Variants in MAPKAP1 observed in about 807,000 individuals in gnomAD.
The protein encoded by MAPKAP1 is MAPK associated protein 1.
MAPKAP1 carries 20 observed loss-of-function variants against 65.7 expected under a neutral mutation model. The observed-to-expected ratio is 0.30, with a 90% CI of 0.21 to 0.44. The LOEUF (loss-of-function observed/expected upper bound fraction) is 0.44. MAPKAP1 is among the 20% of genes least tolerant of loss of function. MAPKAP1 has a pLI of 1.00. For missense variants in MAPKAP1, 423 were observed against 648.0 expected (o/e 0.65, Z 3.77); for synonymous variants, 222 against 244.3 (o/e 0.91, Z 0.85).
At chr9:125,500,044 T>C (rs1254723672) in intron 8 of MAPKAP1, among the ~76,000 whole-genome samples, 1 of 152,168 alleles carries the variant, frequency 6.6e-6, no homozygotes, top group Admixed American at 6.5e-5. Context: ...TGCATAGTAG[T>C]TAAAAAGAAA....
At chr9:125,542,544 AGG>A (rs1830284391) in intron 7 of MAPKAP1, among the ~76,000 whole-genome samples, 2 of 152,208 alleles carry the variant, frequency 1.3e-5, no homozygotes, top group African/African-American at 4.8e-5. Context: ...TTGGGTAATG[AGG>A]AGTTAAGTTA....
chr9:125,700,712 A>G (rs1184090366), intron 1 of MAPKAP1, among the ~76,000 whole-genome samples: 1 of 152,226 alleles, frequency 6.6e-6, no homozygotes, highest in African/African-American at 2.4e-5. Flanking sequence ...CTCAGGATTT[A>G]TTCCCTTTAT....
At chr9:125,448,991 C>T (rs1275104469) in intron 10 of MAPKAP1, among the ~76,000 whole-genome samples, 2 of 121,412 alleles carry the variant, frequency 1.6e-5, no homozygotes, top group African/African-American at 3.4e-5. Flanking sequence ...GGTGACAGAG[C>T]GAGACTCTGT....
At chr9:125,572,717 C>T (rs776645471) in intron 5 of MAPKAP1, among the ~76,000 whole-genome samples, 6 of 152,168 alleles carry the variant, frequency 3.9e-5, no homozygotes, top group East Asian at 1.9e-4. Context: ...AATCCCATAT[C>T]GGCTTAGTTC....
intron 3 of MAPKAP1, among the ~76,000 whole-genome samples, chr9:125,660,836 T>C (rs575925942): frequency 2.8e-4 from 43 of 152,306 alleles, no homozygotes; most frequent in African/African-American, 1.0e-3. Context: ...CCCCAACCCT[T>C]GTTTCTTCCT....
At chr9:125,659,524 G>T (rs1474075610) in intron 3 of MAPKAP1, among the ~76,000 whole-genome samples, 1 of 151,578 alleles carries the variant, frequency 6.6e-6, no homozygotes, top group Admixed American at 6.6e-5. Context: ...TCTTCTATCT[G>T]CCTGTCCTCC....
At chr9:125,562,842 C>T (rs748256655) in intron 5 of MAPKAP1, among the ~76,000 whole-genome samples, 3 of 152,166 alleles carry the variant, frequency 2.0e-5, no homozygotes, top group Non-Finnish European at 4.4e-5. Flanking sequence ...GATTAAACAG[C>T]ATGTAAGTGA....
At chr9:125,631,541 T>C (rs1393237565) in intron 4 of MAPKAP1, among the ~76,000 whole-genome samples, 1 of 152,228 alleles carries the variant, frequency 6.6e-6, no homozygotes, top group Non-Finnish European at 1.5e-5. Flanking sequence ...TGTAAATGTC[T>C]GTTGTACAGA....
At chr9:125,560,180 A>G (rs1336402770) in intron 5 of MAPKAP1, among the ~76,000 whole-genome samples, 1 of 152,222 alleles carries the variant, frequency 6.6e-6, no homozygotes, top group Non-Finnish European at 1.5e-5. Context: ...GCTACAATAC[A>G]AATGTAAAAA....
chr9:125,701,845 T>C (rs1053912473), intron 1 of MAPKAP1, among the ~76,000 whole-genome samples: 2 of 152,222 alleles, frequency 1.3e-5, no homozygotes, highest in Non-Finnish European at 2.9e-5. Context: ...AGCTTGATTA[T>C]ACAATAAAAG....
At chr9:125,619,532 T>C (rs1832837958) in intron 4 of MAPKAP1, among the ~76,000 whole-genome samples, 1 of 152,014 alleles carries the variant, frequency 6.6e-6, no homozygotes, top group South Asian at 2.1e-4. Context: ...ACAATATTCT[T>C]ATATGTGTGA....
Position 125,583,388 on chromosome 9 carries a change from T to C in MAPKAP1, c.671+2167A>G, listed in dbSNP as rs1051098459. On this transcript the variant is annotated intron_variant, in intron 5 of 11. Transcript: ENST00000265960. ...TGATTTTGCACGTAATTGTATTATA[T>C]TGTTATTACCTATTTACCTTAAACA... Among the ~76,000 whole-genome samples the C allele has an allele frequency of 1.2e-4, 18 of 152,244 alleles. 1 individual carries two copies. Among genetic ancestry groups the C allele is most frequent in the Admixed American group, 9.2e-4 (14 of 15,290 alleles).
intron 6 of MAPKAP1, among the ~76,000 whole-genome samples, chr9:125,546,805 G>A (rs1830438499): frequency 6.6e-6 from 1 of 152,028 alleles, no homozygotes; most frequent in African/African-American, 2.4e-5. Flanking sequence ...GCTGTGGCGG[G>A]GTGATCAGCC....
chr9:125,574,287 A>G (rs990690051), intron 5 of MAPKAP1, among the ~76,000 whole-genome samples: 3 of 152,248 alleles, frequency 2.0e-5, no homozygotes, highest in African/African-American at 7.2e-5. Context: ...CAGAATGCCA[A>G]GAGGAGAAGA....
At chr9:125,679,821 T>C (rs1398543263) in intron 1 of MAPKAP1, among the ~76,000 whole-genome samples, 1 of 152,174 alleles carries the variant, frequency 6.6e-6, no homozygotes, top group Non-Finnish European at 1.5e-5. Context: ...CTCAAAACAC[T>C]ACCCGCTCAC....
intron 1 of MAPKAP1, among the ~76,000 whole-genome samples, chr9:125,699,266 G>A (rs73593586): frequency 0.044 from 6,749 of 151,748 alleles, 446 homozygotes; most frequent in African/African-American, 0.15. Flanking sequence ...TGGAGTGCAG[G>A]AGCACAATCA....
chr9:125,681,922 G>C (rs944962596), intron 1 of MAPKAP1, among the ~76,000 whole-genome samples: 5 of 152,016 alleles, frequency 3.3e-5, no homozygotes, highest in African/African-American at 1.2e-4. Flanking sequence ...ACCACACCCA[G>C]CTAATTTTTA....
intron 7 of MAPKAP1, among the ~76,000 whole-genome samples, chr9:125,528,847 C>CAAA (rs61378848): frequency 9.1e-5 from 4 of 44,126 alleles, no homozygotes; most frequent in Admixed American, 3.1e-4. Context: ...GACTCCGTCT[C>CAAA]AAAAAAAAAA....
At chr9:125,663,060 A>AT (rs1834234562) in intron 3 of MAPKAP1, among the ~76,000 whole-genome samples, 1 of 152,212 alleles carries the variant, frequency 6.6e-6, no homozygotes, top group Admixed American at 6.5e-5. Flanking sequence ...ATTTTCTACA[A>AT]TAAAAAGTTT....
Sources: gnomAD v4.1 joint callset for allele counts (sites outside exome capture counted in the v4.1 genomes callset) on GRCh38, gnomAD v4.1.1 for gene constraint, MANE v1.5 for transcripts, NCBI Gene and HGNC (gene_info 2026-07-23, HGNC 2026-07-21) for gene names.